ABCC8: variants seen among roughly 807,000 people sequenced by gnomAD.
ABCC8 encodes ATP-binding cassette sub-family C member 8.
Under a neutral mutation model 188.0 loss-of-function variants are expected in ABCC8, and 137 were observed. The observed-to-expected ratio is 0.73, with a 90% CI of 0.63 to 0.84. ABCC8 has a LOEUF of 0.84. ABCC8 is among the 40% of genes least tolerant of loss of function. The pLI, the probability that ABCC8 is intolerant of heterozygous loss-of-function variation, is 0.00. For synonymous variants in ABCC8, 797 were observed against 846.5 expected, an observed-to-expected ratio of 0.94 and a Z score of 1.01; for missense variants, 1,750 against 2,072.7, an observed-to-expected ratio of 0.84 and a Z score of 3.02.
intron 29 of ABCC8, among the ~76,000 whole-genome samples, chr11:17,401,389 T>C (rs1228997476): frequency 6.6e-6 from 1 of 152,136 alleles, no homozygotes; most frequent in Non-Finnish European, 1.5e-5. Context: ...AGGGCAGAGC[T>C]TTGCTCTGCT....
chr11:17,395,751 G>A (rs913320921), intron 34 of ABCC8, 33 bp from the exon 35 acceptor site: 1 of 1,552,478 alleles, frequency 6.4e-7, no homozygotes, highest in South Asian at 1.2e-5. Context: ...GCAGGGGAAG[G>A]CGGTGACTGC....
rs1404948535 is a variant in ABCC8, at chr11:17,463,312, G to A, written c.579+126C>T. The A allele has an allele frequency of 8.6e-6, 7 of 817,428 alleles. No homozygotes were observed. The Admixed American group carries it at 1.6e-4, about 18-fold the overall frequency. The allele number at this position is 817,428 out of a possible 1,614,324, so 50.6% of individuals were successfully genotyped here. On this transcript the variant is annotated intron_variant, in intron 4 of 38. Coordinates refer to ENST00000389817, the MANE Select transcript of ABCC8 (RefSeq NM_000352.6). ...CCACGGCCCCACTCCCCTTTACACG[G>A]GCGGGTAAAACAAGCTGATCCCTTC...
Position 17,438,056 on chromosome 11 carries a change from C to T in ABCC8, c.1630+4664G>A, listed in dbSNP as rs531075210. On this transcript the variant is annotated intron_variant, in intron 10 of 38. Coordinates refer to ENST00000389817, the MANE Select transcript of ABCC8 (RefSeq NM_000352.6). Reference sequence around the variant, plus strand: ...GGCAGAGGTTGCAGTGAGTTGAGATCGCGCCACTGCACTCCAGCCTGACAA... The same window carrying T: ...GGCAGAGGTTGCAGTGAGTTGAGATTGCGCCACTGCACTCCAGCCTGACAA... Among the ~76,000 whole-genome samples the T allele has an allele frequency of 2.2e-4, 34 of 152,274 alleles. No homozygotes were observed. In the East Asian group the frequency reaches 6.2e-3, roughly 28 times the overall value.
At chr11:17,462,522 C>G (rs967893369) in intron 4 of ABCC8, among the ~76,000 whole-genome samples, 2 of 152,212 alleles carry the variant, frequency 1.3e-5, no homozygotes, top group Non-Finnish European at 2.9e-5. Flanking sequence ...TACACAGACC[C>G]TTTGACCCAG....
At chr11:17,474,295 C>T (rs1315276132) in intron 2 of ABCC8, among the ~76,000 whole-genome samples, 1 of 152,248 alleles carries the variant, frequency 6.6e-6, no homozygotes, top group Non-Finnish European at 1.5e-5. Flanking sequence ...AACTCTTAGG[C>T]CTTTCTGACT....
chr11:17,398,300 C>T (rs1954050530), intron 30 of ABCC8, 39 bp downstream of exon 30: 1 of 1,612,430 alleles, frequency 6.2e-7, no homozygotes, highest in Non-Finnish European at 8.5e-7. Flanking sequence ...TGGCCCCACC[C>T]TCCTATCAGA....
At chr11:17,419,949 C>T (rs1955259817) in intron 16 of ABCC8, among the ~76,000 whole-genome samples, 1 of 152,154 alleles carries the variant, frequency 6.6e-6, no homozygotes, top group African/African-American at 2.4e-5. Context: ...CTCACAGTGA[C>T]ACTGGAGAAT....
In ABCC8 at chr11:17,428,615, C is replaced by T. The variant is rs1267646576; in HGVS notation, c.1873G>A (p.Ala625Thr). 1 of 1,614,094 alleles carries T rather than the reference C, an allele frequency of 6.2e-7. No individual in the cohort carries two copies. Among genetic ancestry groups the T allele is most frequent in the Non-Finnish European group, 8.5e-7 (1 of 1,180,038 alleles). ...CCCTGAGGTGTGGGCTCATGGGGGG[C>T]ACACTGCTCCTCACGGATCTCTGCA... ...SSAEIREEQC[A>T]PHEPTPQGPA... Residue 625 changes from alanine to threonine, a missense_variant, in exon 13 of 39, where the codon GCC (alanine) becomes ACC (threonine). By Grantham distance (58) the Ala-to-Thr change is moderately conservative. Transcript: ENST00000389817.
chr11:17,458,657 T>C (rs1439372059), intron 6 of ABCC8, among the ~76,000 whole-genome samples: 1 of 152,212 alleles, frequency 6.6e-6, no homozygotes, highest in African/African-American at 2.4e-5. Context: ...CTCTCTTTTA[T>C]GGGCCAGGTA....
At chr11:17,458,547 T>C (rs1169355113) in intron 6 of ABCC8, among the ~76,000 whole-genome samples, 6 of 152,226 alleles carry the variant, frequency 3.9e-5, no homozygotes, top group Non-Finnish European at 7.3e-5. Flanking sequence ...ACTGGCTCCA[T>C]GCTGCTTCAG....
intron 3 of ABCC8, among the ~76,000 whole-genome samples, chr11:17,468,620 A>T (rs1249905988): frequency 6.6e-6 from 1 of 152,244 alleles, no homozygotes; most frequent in Non-Finnish European, 1.5e-5. Context: ...TAATAATGGT[A>T]CCTACCTCAT....
chr11:17,402,666 G>T lies in ABCC8; in HGVS notation c.3645C>A (p.Ala1215=), dbSNP rs777936577. ...ETVEGLTTIR[A]FRYEARFQQK... is the part of the protein sequence containing the mutation. ...GGGGGAATGTGGACTCGTACCTGAA[G>T]GCCCGGATGGTGGTGAGTCCTTCTA... The change falls in exon 29 of 39, where the codon GCC becomes GCA. Residue 1215 remains alanine, a synonymous_variant. Transcript: ENST00000389817. 8.7e-6 allele frequency: 14 copies of T among 1,614,122 alleles called. No individual in the cohort carries two copies. Among genetic ancestry groups the T allele is most frequent in the Non-Finnish European group, 1.2e-5 (14 of 1,180,054 alleles).
intron 21 of ABCC8, among the ~76,000 whole-genome samples, chr11:17,411,476 T>C (rs1954801795): frequency 6.6e-6 from 1 of 152,252 alleles, no homozygotes; most frequent in African/African-American, 2.4e-5. Flanking sequence ...AGACTGAATC[T>C]TCCCACTGTG....
Position 17,399,295 on chromosome 11 carries a change from A to AC in ABCC8, c.3651-855_3651-854insG, listed in dbSNP as rs1564881929. On this transcript the variant is annotated intron_variant, in intron 29 of 38. Coordinates refer to ENST00000389817, the MANE Select transcript of ABCC8 (RefSeq NM_000352.6). ...TGCCTCAAAAAAAAAAAAAAAAAAA[A>AC]AAAAAAAAACAAATAAAAAAGAATA... Among the ~76,000 whole-genome samples, 510 of 143,064 alleles carry AC rather than the reference A, an allele frequency of 3.6e-3. 25 individuals are homozygous for AC. The highest frequency in any genetic ancestry group is 0.013 in the African/African-American group (480 of 35,618). The allele number at this position is 143,064 out of a possible 152,430, so 93.9% of individuals were successfully genotyped here. A position where few individuals can be genotyped will look rare whatever the true frequency, so the allele number is the denominator to read the frequency against.
chr11:17,402,707 G>A lies in ABCC8; in HGVS notation c.3604C>T (p.His1202Tyr), dbSNP rs1217565501. 1 of 1,614,132 alleles carries A rather than the reference G, an allele frequency of 6.2e-7. No individual in the cohort carries two copies. The highest frequency in any genetic ancestry group is 8.5e-7 in the Non-Finnish European group (1 of 1,180,058). Residue 1202 changes from histidine (H) to tyrosine (Y), a missense_variant, in exon 29 of 39, where the codon CAC becomes TAC. His to Tyr is a moderately conservative substitution (Grantham distance 83). Transcript: ENST00000389817. ...AGTCCTTCTACGGTTTCGGCAAAGTGTGAGAGAAGTGGAAGCTGGGTGGTG... is the reference window on the plus strand; with the variant it reads ...AGTCCTTCTACGGTTTCGGCAAAGTATGAGAGAAGTGGAAGCTGGGTGGTG... ...DDTTQLPLLSHFAETVEGLTT... is the reference protein window; with the variant it reads ...DDTTQLPLLSYFAETVEGLTT...
intron 10 of ABCC8, among the ~76,000 whole-genome samples, chr11:17,439,527 G>T (rs555414690): frequency 6.6e-6 from 1 of 152,088 alleles, no homozygotes; most frequent in Non-Finnish European, 1.5e-5. Flanking sequence ...TCCAGAGGAG[G>T]TAAATGAACA....
chr11:17,405,404 G>A (rs750257183), intron 27 of ABCC8, 90 bp downstream of exon 27: 47 of 1,584,148 alleles, frequency 3.0e-5, no homozygotes, highest in Non-Finnish European at 3.8e-5. Flanking sequence ...GTGATCACCT[G>A]ATCTGGGGAA....
At chr11:17,407,636 T>A in intron 23 of ABCC8, 183 bp from the exon 24 acceptor site, 1 of 623,974 alleles carries the variant, frequency 1.6e-6, no homozygotes, top group Admixed American at 6.3e-5. Flanking sequence ...CTTCATCAGA[T>A]AATAGCACCC....
intron 8 of ABCC8, 156 bp from the exon 9 acceptor site, chr11:17,443,468 G>A (rs1369255807): frequency 3.2e-6 from 4 of 1,240,980 alleles, no homozygotes; most frequent in East Asian, 2.5e-5. Context: ...AGGGAAGGAG[G>A]AGAAACAAAG....
Sources: gnomAD v4.1 joint callset for allele counts (sites outside exome capture counted in the v4.1 genomes callset) on GRCh38, gnomAD v4.1.1 for gene constraint, MANE v1.5 for transcripts, NCBI Gene and HGNC (gene_info 2026-07-23, HGNC 2026-07-21) for gene names.